Variants in MTNR1B observed in about 807,000 individuals in gnomAD.
MTNR1B encodes melatonin receptor 1B.
A neutral mutation model predicts 7.0 loss-of-function variants in MTNR1B; 7 were observed. The observed-to-expected ratio is 1.00, with a 90% CI of 0.57 to 1.88. MTNR1B has a LOEUF of 1.88. Ranked by LOEUF, MTNR1B falls within the 40% of genes most tolerant of loss-of-function variation. The pLI is 0.00. For missense variants in MTNR1B, 478 were observed against 486.5 expected, an observed-to-expected ratio of 0.98 and a Z score of 0.16; for synonymous variants, 226 against 208.2, an observed-to-expected ratio of 1.09 and a Z score of -0.74.
chr11:92,974,721 G>A (rs946114519), intron 1 of MTNR1B, among the ~76,000 whole-genome samples: 5 of 151,946 alleles, frequency 3.3e-5, no homozygotes, highest in African/African-American at 1.2e-4. Flanking sequence ...TCTTGCCTCA[G>A]CCTCCCGAGT....
intron 1 of MTNR1B, 74 bp from the exon 2 acceptor site, chr11:92,981,373 G>A (rs539643857): frequency 4.8e-5 from 74 of 1,529,534 alleles, no homozygotes; most frequent in Admixed American, 1.6e-4. Flanking sequence ...AAGTAACTTC[G>A]TGGAGGGTAG....
At chr11:92,978,858 C>A (rs1025010596) in intron 1 of MTNR1B, among the ~76,000 whole-genome samples, 2 of 152,204 alleles carry the variant, frequency 1.3e-5, no homozygotes, top group African/African-American at 4.8e-5. Flanking sequence ...CACAGCAGAA[C>A]TTGACTCTGC....
downstream of MTNR1B, among the ~76,000 whole-genome samples, chr11:92,983,210 G>C (rs1858148469): frequency 6.6e-6 from 1 of 152,122 alleles, no homozygotes; most frequent in African/African-American, 2.4e-5. Context: ...ATTAGCTTTT[G>C]TTATTATTAT....
In MTNR1B at chr11:92,982,441, G is replaced by T; in HGVS notation, c.*129G>T. ...TTGGCATCACAGCCCCAAGGCTGGG[G>T]GAACTTCATGCTGGGACAAGCAGCC... On this transcript the variant is annotated 3_prime_UTR_variant, in exon 2 of 2. Transcript: ENST00000257068. 8.6e-7 allele frequency: 1 copy of T among 1,160,566 alleles called. No homozygotes were observed. 71.9% of individuals were successfully genotyped at this position (1,160,566 alleles called of 1,614,324 possible).
intron 1 of MTNR1B, among the ~76,000 whole-genome samples, chr11:92,979,390 G>T (rs1403932372): frequency 2.0e-5 from 3 of 152,118 alleles, no homozygotes. Context: ...AAATTAAAAG[G>T]CACAAAACCC....
At chr11:92,983,520 G>GA (rs1191133660), downstream of MTNR1B, among the ~76,000 whole-genome samples, 14,903 of 99,994 alleles carry the variant, frequency 0.15, 880 homozygotes, top group African/African-American at 0.18. Flanking sequence ...CCCTGTCTCA[G>GA]AAAAAAAAAA....
intron 1 of MTNR1B, among the ~76,000 whole-genome samples, chr11:92,976,248 A>T (rs1325888956): frequency 6.6e-6 from 1 of 152,164 alleles, no homozygotes; most frequent in Admixed American, 6.5e-5. Flanking sequence ...TAAAATACTT[A>T]CTGCTGGAGG....
chr11:92,984,673 T>G, downstream of MTNR1B: 1 of 322,584 alleles, frequency 3.1e-6, no homozygotes, highest in South Asian at 2.7e-5. Context: ...CAGTGCTGAG[T>G]TGAATGCATG....
At chr11:92,984,179 G>T (rs940834234), downstream of MTNR1B, among the ~76,000 whole-genome samples, 2 of 152,164 alleles carry the variant, frequency 1.3e-5, no homozygotes, top group African/African-American at 4.8e-5. Flanking sequence ...TTAGCATTAT[G>T]CTGGATCCTC....
At chr11:92,975,591 C>T (rs1477197213) in intron 1 of MTNR1B, among the ~76,000 whole-genome samples, 1 of 152,198 alleles carries the variant, frequency 6.6e-6, no homozygotes, top group Non-Finnish European at 1.5e-5. Context: ...TGGGAATATT[C>T]TGCCTATGCA....
intron 1 of MTNR1B, among the ~76,000 whole-genome samples, chr11:92,972,123 T>C (rs980854133): frequency 1.3e-5 from 2 of 152,232 alleles, no homozygotes; most frequent in African/African-American, 4.8e-5. Context: ...GCTCTTTGAA[T>C]AGTTAGCACA....
Position 92,982,142 on chromosome 11 carries a change from G to T in MTNR1B, c.919G>T (p.Val307Phe). The T allele has an allele frequency of 1.2e-6, 2 of 1,614,196 alleles. No homozygotes were observed. The highest frequency in any genetic ancestry group is 1.7e-6 in the Non-Finnish European group (2 of 1,180,038). Residue 307 changes from valine (V) to phenylalanine (F), a missense_variant, in exon 2 of 2, where the codon GTC becomes TTC. Val to Phe is a conservative substitution (Grantham distance 50, BLOSUM62 -1). Transcript: ENST00000257068. ...TTTCAACAGCTGCCTGAATGCCATTGTCTATGGGCTCTTGAACCAAAACTT... is the reference window on the plus strand; with the variant it reads ...TTTCAACAGCTGCCTGAATGCCATTTTCTATGGGCTCTTGAACCAAAACTT... Reference protein sequence around the residue: ...AYFNSCLNAIVYGLLNQNFRR... With the variant: ...AYFNSCLNAIFYGLLNQNFRR...
downstream of MTNR1B, chr11:92,984,681 A>T (rs1858170981): frequency 3.0e-6 from 1 of 328,606 alleles, no homozygotes; most frequent in African/African-American, 2.2e-5. Context: ...AGTTGAATGC[A>T]TGGCACGTGC....
chr11:92,982,446 T>C lies in MTNR1B; in HGVS notation c.*134T>C, dbSNP rs1393268472. 1.8e-6 allele frequency: 2 copies of C among 1,123,034 alleles called. No individual in the cohort carries two copies. Among genetic ancestry groups the C allele is most frequent in the African/African-American group, 3.2e-5 (2 of 63,214 alleles). The allele number at this position is 1,123,034 out of a possible 1,614,324, so 69.6% of individuals were successfully genotyped here. ...ATCACAGCCCCAAGGCTGGGGGAAC[T>C]TCATGCTGGGACAAGCAGCCCATCA... is the stretch of plus-strand genomic sequence containing the variant. On this transcript the variant is annotated 3_prime_UTR_variant, in exon 2 of 2. Coordinates refer to ENST00000257068, the MANE Select transcript of MTNR1B (RefSeq NM_005959.5).
intron 1 of MTNR1B, among the ~76,000 whole-genome samples, chr11:92,972,083 T>C (rs1031249075): frequency 6.6e-6 from 1 of 152,048 alleles, no homozygotes; most frequent in African/African-American, 2.4e-5. Context: ...CTCAGCAGAG[T>C]GAGATTTCAA....
chr11:92,984,107 C>A (rs1430124681), downstream of MTNR1B, among the ~76,000 whole-genome samples: 1 of 152,102 alleles, frequency 6.6e-6, no homozygotes, highest in Non-Finnish European at 1.5e-5. Flanking sequence ...TGCCTGGGGT[C>A]CTCAGCCACC....
intron 1 of MTNR1B, among the ~76,000 whole-genome samples, chr11:92,978,217 T>A (rs1287909635): frequency 3.3e-5 from 5 of 152,220 alleles, no homozygotes; most frequent in Non-Finnish European, 7.3e-5. Context: ...ATTAGATAGC[T>A]CAGCACTGGC....
intron 1 of MTNR1B, among the ~76,000 whole-genome samples, chr11:92,980,038 A>T (rs1229077506): frequency 6.6e-6 from 1 of 152,062 alleles, no homozygotes; most frequent in Non-Finnish European, 1.5e-5. Flanking sequence ...GGCCTCTCCA[A>T]TTGCTGTGCT....
downstream of MTNR1B, chr11:92,984,863 C>A (rs988725618): frequency 4.4e-6 from 2 of 455,954 alleles, no homozygotes; most frequent in Admixed American, 2.4e-5. Flanking sequence ...AAGCCCAGGC[C>A]CAGGACATCA....
Sources: gnomAD v4.1 joint callset for allele counts (sites outside exome capture counted in the v4.1 genomes callset) on GRCh38, gnomAD v4.1.1 for gene constraint, MANE v1.5 for transcripts, NCBI Gene and HGNC (gene_info 2026-07-23, HGNC 2026-07-21) for gene names.